The following PDE4B variants were observed in gnomAD, a reference collection of about 807,000 sequenced individuals.
PDE4B encodes 3',5'-cyclic-AMP phosphodiesterase 4B.
A neutral mutation model predicts 82.2 loss-of-function variants in PDE4B; 20 were observed. That is an observed-to-expected ratio of 0.24 (90% CI 0.17 to 0.35). PDE4B has a LOEUF of 0.35. Among genes scored for constraint, PDE4B ranks in the 10% least tolerant of loss-of-function variants. The probability of loss-of-function intolerance (pLI) is 1.00; values close to 1 mark genes in which losing one functional copy is unlikely to be tolerated. For synonymous variants in PDE4B, 320 were observed against 318.9 expected (o/e 1.00, Z -0.04); for missense variants, 655 against 907.2 (o/e 0.72, Z 3.57).
chr1:66,157,159 G>T (rs765950931), intron 3 of PDE4B, among the ~76,000 whole-genome samples: 1 of 152,082 alleles, frequency 6.6e-6, no homozygotes, highest in African/African-American at 2.4e-5. Flanking sequence ...CACAGATGCC[G>T]CCCTAGCTGA....
chr1:66,361,152 G>A (rs1208760951), intron 9 of PDE4B, among the ~76,000 whole-genome samples: 2 of 152,070 alleles, frequency 1.3e-5, no homozygotes, highest in Non-Finnish European at 2.9e-5. Flanking sequence ...AATAAGATGA[G>A]CAGATCATGA....
At chr1:66,363,942 T>G (rs1370172483) in intron 12 of PDE4B, among the ~76,000 whole-genome samples, 2 of 152,186 alleles carry the variant, frequency 1.3e-5, no homozygotes, top group Non-Finnish European at 1.5e-5. Flanking sequence ...TTTTGCTTTC[T>G]AATATCAGAG....
chr1:66,255,898 G>A (rs1405140385), intron 4 of PDE4B, among the ~76,000 whole-genome samples: 2 of 152,222 alleles, frequency 1.3e-5, no homozygotes, highest in Non-Finnish European at 2.9e-5. Context: ...GGGTGTAGTG[G>A]TTTACACCTG....
At chr1:65,943,017 T>C (rs1367563948) in intron 3 of PDE4B, among the ~76,000 whole-genome samples, 1 of 151,952 alleles carries the variant, frequency 6.6e-6, no homozygotes, top group African/African-American at 2.4e-5. Flanking sequence ...CAGTTTGATA[T>C]AATCCCAATT....
chr1:65,868,982 A>G (rs1212757186), intron 1 of PDE4B, among the ~76,000 whole-genome samples: 5 of 152,170 alleles, frequency 3.3e-5, no homozygotes, highest in Non-Finnish European at 5.9e-5. Flanking sequence ...TGGTGTCAAA[A>G]AGGTTGGGGA....
chr1:66,229,166 C>A (rs1282215987), intron 3 of PDE4B, among the ~76,000 whole-genome samples: 9 of 109,238 alleles, frequency 8.2e-5, no homozygotes, highest in Non-Finnish European at 1.6e-4. Flanking sequence ...CACCACCATG[C>A]CCGGCTAATT....
chr1:66,183,057 A>G (rs1161217086), intron 3 of PDE4B, among the ~76,000 whole-genome samples: 1 of 152,184 alleles, frequency 6.6e-6, no homozygotes, highest in African/African-American at 2.4e-5. Flanking sequence ...CTGAAGCAGA[A>G]TGTGGCATGG....
intron 9 of PDE4B, among the ~76,000 whole-genome samples, chr1:66,358,435 G>C (rs1662445544): frequency 6.6e-6 from 1 of 152,216 alleles, no homozygotes; most frequent in African/African-American, 2.4e-5. Flanking sequence ...AGCACGTTCA[G>C]AGGCCGAGAT....
intron 1 of PDE4B, among the ~76,000 whole-genome samples, chr1:65,805,437 AAGAG>A (rs1645744256): frequency 6.6e-6 from 1 of 152,326 alleles, no homozygotes; most frequent in African/African-American, 2.4e-5. Context: ...ACCTAATTGA[AAGAG>A]AGACTGGGAT....
intron 3 of PDE4B, chr1:66,048,691 G>T (rs1353880627): frequency 6.6e-6 from 1 of 151,956 alleles, no homozygotes. Context: ...CAGTGGAGAT[G>T]CTGGAATAGA....
intron 3 of PDE4B, among the ~76,000 whole-genome samples, chr1:66,243,841 C>T (rs1219929463): frequency 6.6e-6 from 1 of 152,198 alleles, no homozygotes; most frequent in East Asian, 1.9e-4. Context: ...TCCAAGTGAG[C>T]AGGCAACATA....
At chr1:65,888,475 T>A (rs1379498030) in intron 1 of PDE4B, among the ~76,000 whole-genome samples, 2 of 152,154 alleles carry the variant, frequency 1.3e-5, no homozygotes, top group Non-Finnish European at 2.9e-5. Flanking sequence ...TTTTTCTATT[T>A]ATGTGAAAAA....
chr1:65,983,158 C>A (rs1650775530), intron 3 of PDE4B, among the ~76,000 whole-genome samples: 1 of 152,184 alleles, frequency 6.6e-6, no homozygotes, highest in African/African-American at 2.4e-5. Context: ...GTGCCTGTCC[C>A]ACCATTGTAT....
intron 1 of PDE4B, among the ~76,000 whole-genome samples, chr1:65,895,562 AAAAAAAAAAG>A (rs1034280626): frequency 6.6e-6 from 1 of 151,614 alleles, no homozygotes; most frequent in Admixed American, 6.6e-5. Flanking sequence ...AAAAAAAAAA[AAAAAAAAAAG>A]ACACTTCAAC....
At chr1:65,906,282 C>G (rs1343847174) in intron 1 of PDE4B, among the ~76,000 whole-genome samples, 1 of 151,916 alleles carries the variant, frequency 6.6e-6, no homozygotes, top group Non-Finnish European at 1.5e-5. Flanking sequence ...AAAAAATTCT[C>G]TAATCCATCC....
In PDE4B at chr1:65,886,255, G is replaced by A. The variant is rs143275140; in HGVS notation, c.-70-26990G>A. ...TTTTTCATCTTTCAATTTTCTAATTGTCATAATATTTGTATGTATTTATGG... is the reference window on the plus strand; with the variant it reads ...TTTTTCATCTTTCAATTTTCTAATTATCATAATATTTGTATGTATTTATGG... On this transcript the variant is annotated intron_variant, in intron 1 of 16. Coordinates refer to ENST00000341517, the MANE Select transcript of PDE4B (RefSeq NM_002600.4). Among the ~76,000 whole-genome samples, 353 of 151,742 alleles carry A rather than the reference G, an allele frequency of 2.3e-3. 5 individuals carry two copies. The highest frequency in any genetic ancestry group is 8.0e-3 in the African/African-American group (330 of 41,426).
intron 3 of PDE4B, among the ~76,000 whole-genome samples, chr1:66,050,898 G>A (rs765456202): frequency 6.6e-6 from 1 of 152,076 alleles, no homozygotes; most frequent in Non-Finnish European, 1.5e-5. Flanking sequence ...GGAGGAAGAG[G>A]TGCCATGAAA....
intron 16 of PDE4B, among the ~76,000 whole-genome samples, chr1:66,369,345 CCT>C (rs1663502263): frequency 6.6e-6 from 1 of 152,176 alleles, no homozygotes; most frequent in African/African-American, 2.4e-5. Context: ...TGCTTCCAGC[CCT>C]CTGTTTTTAT....
At chr1:66,300,545 G>C (rs1557687264) in intron 7 of PDE4B, among the ~76,000 whole-genome samples, 1 of 152,166 alleles carries the variant, frequency 6.6e-6, no homozygotes, top group Non-Finnish European at 1.5e-5. Flanking sequence ...TGATAATAGA[G>C]GATGGACCAG....
Sources: gnomAD v4.1 joint callset for allele counts (sites outside exome capture counted in the v4.1 genomes callset) on GRCh38, gnomAD v4.1.1 for gene constraint, MANE v1.5 for transcripts, NCBI Gene and HGNC (gene_info 2026-07-23, HGNC 2026-07-21) for gene names.